BMP1: variants seen among roughly 807,000 people sequenced by gnomAD.
BMP1 encodes the protein mammalian tolloid protein.
BMP1 carries 63 observed loss-of-function variants against 116.8 expected under a neutral mutation model. The observed-to-expected ratio is 0.54, with a 90% CI of 0.44 to 0.67. BMP1 has a LOEUF of 0.67. Ranked by LOEUF, BMP1 falls within the 30% of genes least tolerant of loss-of-function variation. The pLI, the probability that BMP1 is intolerant of heterozygous loss-of-function variation, is 0.00. For synonymous variants in BMP1, 536 were observed against 533.4 expected (o/e 1.00, Z -0.07); for missense variants, 1,183 against 1,358.9 (o/e 0.87, Z 2.04).
At chr8:22,167,681 G>A (rs1344714749) in intron 1 of BMP1, among the ~76,000 whole-genome samples, 4 of 152,352 alleles carry the variant, frequency 2.6e-5, no homozygotes, top group Admixed American at 6.5e-5. Context: ...ACTGGGTGAA[G>A]TGAGGCTGGT....
intron 12 of BMP1, 135 bp downstream of exon 12, chr8:22,195,054 C>G: frequency 1.0e-6 from 1 of 974,742 alleles, no homozygotes; most frequent in Non-Finnish European, 1.5e-6. Context: ...CCTTAAGGAG[C>G]TCTGGGCTAG....
At chr8:22,200,799 C>T (rs1183563357) in intron 15 of BMP1, among the ~76,000 whole-genome samples, 7 of 152,144 alleles carry the variant, frequency 4.6e-5, no homozygotes, top group South Asian at 2.1e-4. Flanking sequence ...CCTCTACCGA[C>T]GACTCCCCAG....
chr8:22,177,909 C>T lies in BMP1; in HGVS notation c.788C>T (p.Thr263Ile), dbSNP rs555486532. 1 of 1,613,744 alleles carries T rather than the reference C, an allele frequency of 6.2e-7. No homozygotes were observed. Among genetic ancestry groups the T allele is most frequent in the African/African-American group, 1.3e-5 (1 of 75,020 alleles). ...CAGGAGGTGGAGTCCCTGGGGGAGACCTATGACTTCGACAGCATCATGCAT... is the reference window on the plus strand; with the variant it reads ...CAGGAGGTGGAGTCCCTGGGGGAGATCTATGACTTCGACAGCATCATGCAT... ...EPQEVESLGETYDFDSIMHYA... is the reference protein window; with the variant it reads ...EPQEVESLGEIYDFDSIMHYA... Residue 263 changes from threonine (T) to isoleucine (I), a missense_variant, in exon 6 of 20, where the codon ACC becomes ATC. Transcript: ENST00000306385.
intron 8 of BMP1, among the ~76,000 whole-genome samples, chr8:22,191,056 G>A (rs1215246200): frequency 1.3e-5 from 2 of 152,182 alleles, no homozygotes; most frequent in Non-Finnish European, 2.9e-5. Flanking sequence ...CTGTTAAAAT[G>A]CCCACCTGCT....
rs11996036 is a variant in BMP1 at position 22,201,850 on chromosome 8, G to C, written c.2155G>C (p.Val719Leu). 3 of 1,613,534 alleles carry C rather than the reference G, an allele frequency of 1.9e-6. No homozygotes were observed. Among genetic ancestry groups the C allele is most frequent in the Non-Finnish European group, 2.5e-6 (3 of 1,179,882 alleles). ...TAACGGCGGCTGCCAGCAGGACTGC[G>C]TCAACACGTTCGGCAGTTATGAGTG... ...KDNGGCQQDC[V>L]NTFGSYECQC... The change falls in exon 16 of 20, where the codon GTC (valine) becomes CTC (leucine). Residue 719 changes from valine to leucine, a missense_variant. By Grantham distance (32) the Val-to-Leu change is conservative. Coordinates refer to ENST00000306385, the MANE Select transcript of BMP1 (RefSeq NM_006129.5).
intron 1 of BMP1, 99 bp from the exon 2 acceptor site, chr8:22,173,503 G>T (rs1828339816): frequency 1.3e-6 from 1 of 750,244 alleles, no homozygotes; most frequent in Non-Finnish European, 2.2e-6. Context: ...CGCTGTGGAG[G>T]TTGGGGGCTG....
chr8:22,186,122 C>T (rs1176182093), intron 8 of BMP1, among the ~76,000 whole-genome samples: 3 of 152,160 alleles, frequency 2.0e-5, no homozygotes, highest in Non-Finnish European at 4.4e-5. Context: ...AGGCGTGAGC[C>T]ACCACGCCCG....
Position 22,201,926 on chromosome 8 carries a change from A to T in BMP1, c.2231A>T (p.Glu744Val). 6.2e-7 allele frequency: 1 copy of T among 1,612,262 alleles called. No homozygotes were observed. ...VLHDNKHDCKEAGCDHKVTST... is the reference protein window; with the variant it reads ...VLHDNKHDCKVAGCDHKVTST... The stretch of plus-strand genomic sequence containing the variant: ...CATGACAACAAGCACGACTGCAAAG[A>T]AGGTACGGGCTGCATGCCAGGGGCA... Residue 744 changes from glutamate (E) to valine (V), a missense_variant and splice_region_variant, in exon 16 of 20, where the codon GAA (glutamate) becomes GTA (valine). Glu to Val is a moderately radical substitution (Grantham distance 121, BLOSUM62 -2). Transcript: ENST00000306385.
rs786205219 is a variant in BMP1 at position 22,177,929 on chromosome 8, A to G, written c.808A>G (p.Met270Val). 2.5e-6 allele frequency: 4 copies of G among 1,613,282 alleles called. No homozygotes were observed. Among genetic ancestry groups the G allele is most frequent in the Non-Finnish European group, 3.4e-6 (4 of 1,179,406 alleles). Reference sequence around the variant, plus strand: ...GGAGACCTATGACTTCGACAGCATCATGCATTACGCTCGGAACACATTCTC... The same window carrying G: ...GGAGACCTATGACTTCGACAGCATCGTGCATTACGCTCGGAACACATTCTC... Reference protein sequence around the residue: ...LGETYDFDSIMHYARNTFSRG... With the variant: ...LGETYDFDSIVHYARNTFSRG... The change falls in exon 6 of 20, where the codon ATG becomes GTG. Residue 270 changes from methionine to valine, a missense_variant. Coordinates refer to ENST00000306385, the MANE Select transcript of BMP1 (RefSeq NM_006129.5).
At chr8:22,197,912 C>T (rs762069859) in intron 15 of BMP1, among the ~76,000 whole-genome samples, 2 of 152,126 alleles carry the variant, frequency 1.3e-5, no homozygotes, top group African/African-American at 2.4e-5. Context: ...TGGCCGGGCG[C>T]GGTGGCTCAC....
At chr8:22,209,281 G>A (rs148436258) in intron 18 of BMP1, among the ~76,000 whole-genome samples, 164 bp from the exon 19 acceptor site, 141 of 152,328 alleles carry the variant, frequency 9.3e-4, no homozygotes, top group African/African-American at 3.1e-3. Context: ...TAGAGATGGG[G>A]CAGCACAGCA....
intron 1 of BMP1, among the ~76,000 whole-genome samples, chr8:22,166,440 G>A (rs1366339586): frequency 3.9e-5 from 6 of 152,210 alleles, no homozygotes; most frequent in Non-Finnish European, 7.3e-5. Context: ...GAGCCCAGAA[G>A]GGTCCTGCCC....
chr8:22,204,353 A>G (rs1829314679), intron 16 of BMP1, among the ~76,000 whole-genome samples: 1 of 152,146 alleles, frequency 6.6e-6, no homozygotes, highest in African/African-American at 2.4e-5. Context: ...CCCACCAGTC[A>G]TAGTGCCTGG....
intron 15 of BMP1, chr8:22,199,177 A>G (rs1200567560): frequency 1.5e-6 from 2 of 1,367,480 alleles, no homozygotes; most frequent in South Asian, 1.1e-5. Flanking sequence ...ACATTGCCCC[A>G]TCGCACAAGA....
Position 22,211,661 on chromosome 8 carries a change from C to G in BMP1, c.2894C>G (p.Thr965Ser), listed in dbSNP as rs1829464030. Residue 965 changes from threonine (T) to serine (S), a missense_variant, in exon 20 of 20, where the codon ACC becomes AGC. Thr to Ser is a moderately conservative substitution (Grantham distance 58). This residue lies in a region of BMP1 where 956 missense variants were observed against 1,135.2 expected (regional missense o/e 0.84). Coordinates refer to ENST00000306385, the MANE Select transcript of BMP1 (RefSeq NM_006129.5). ...LVKFHSDDTITKKGFHLRYTS... is the reference protein window; with the variant it reads ...LVKFHSDDTISKKGFHLRYTS... ...AAGTTCCACTCGGATGACACCATCACCAAAAAAGGTTTCCACCTGCGATAC... is the reference window on the plus strand; with the variant it reads ...AAGTTCCACTCGGATGACACCATCAGCAAAAAAGGTTTCCACCTGCGATAC... 1 of 1,614,158 alleles carries G rather than the reference C, an allele frequency of 6.2e-7. No homozygotes were observed. The highest frequency in any genetic ancestry group is 8.5e-7 in the Non-Finnish European group (1 of 1,180,012).
chr8:22,166,295 A>G (rs781507816), intron 1 of BMP1, among the ~76,000 whole-genome samples: 19 of 151,846 alleles, frequency 1.3e-4, no homozygotes, highest in Non-Finnish European at 2.2e-4. Flanking sequence ...GAACCCAGAT[A>G]TTGTATATCA....
intron 16 of BMP1, among the ~76,000 whole-genome samples, chr8:22,206,624 G>A (rs1271324388): frequency 3.3e-5 from 5 of 152,158 alleles, no homozygotes; most frequent in African/African-American, 9.7e-5. Flanking sequence ...TGCTTCATGA[G>A]TGCTGCCATG....
rs1007206371 is a variant in BMP1, at chr8:22,205,874, T to G, written c.2234-980T>G. On this transcript the variant is annotated intron_variant, in intron 16 of 19. Transcript: ENST00000306385. ...ACAGGAGGTGGCCACAGAGGGGTGATGTGTTTGTGATGTGAAGAAACAGTG... is the reference window on the plus strand; with the variant it reads ...ACAGGAGGTGGCCACAGAGGGGTGAGGTGTTTGTGATGTGAAGAAACAGTG... 3.9e-5 allele frequency among the ~76,000 whole-genome samples: 6 copies of G among 152,070 alleles called. No individual in the cohort carries two copies. In the East Asian group the frequency reaches 1.2e-3, roughly 29 times the overall value.
In BMP1 at chr8:22,165,375, G is replaced by T. The variant is rs1210833832; in HGVS notation, c.-31G>T. The T allele has an allele frequency of 7.0e-7, 1 of 1,419,656 alleles. No individual in the cohort carries two copies. The allele number at this position is 1,419,656 out of a possible 1,614,324, so 87.9% of individuals were successfully genotyped here. ...AGGACGCCCTCCCCTGGCCTCCAGT[G>T]CGCCGCTTCCCTCGCCGCCGCCCCG... On this transcript the variant is annotated 5_prime_UTR_variant, in exon 1 of 20. Transcript: ENST00000306385.
Sources: allele counts gnomAD v4.1 joint callset (sites outside exome capture counted in the v4.1 genomes callset), GRCh38; gene constraint gnomAD v4.1.1; regional missense constraint gnomAD v4.1.1; transcripts MANE v1.5; gene names NCBI Gene and HGNC (gene_info 2026-07-23, HGNC 2026-07-21).